Variants in ITPKC observed in about 807,000 individuals in gnomAD.
The protein encoded by ITPKC is IP3 3-kinase C.
Under a neutral mutation model 67.1 loss-of-function variants are expected in ITPKC, and 33 were observed. The observed-to-expected ratio is 0.49, with a 90% confidence interval of 0.37 to 0.66. ITPKC has a LOEUF of 0.66. ITPKC is among the 30% of genes least tolerant of loss of function. The probability of loss-of-function intolerance (pLI) is 0.00; values close to 1 mark genes in which losing one functional copy is unlikely to be tolerated. For missense variants in ITPKC, 820 were observed against 892.1 expected, an observed-to-expected ratio of 0.92 and a Z score of 1.03; for synonymous variants, 341 against 359.8, an observed-to-expected ratio of 0.95 and a Z score of 0.59.
rs184533226 is a variant in ITPKC, at chr19:40,736,180, A to G, written c.1675-806A>G. ...GTGGCGGGAGCCTGTAGTCCCAGCT[A>G]TCAGGAGGCTGAGGCAGGAGAATGG... On this transcript the variant is annotated intron_variant, in intron 4 of 6. Transcript: ENST00000263370. 3.3e-5 allele frequency among the ~76,000 whole-genome samples: 5 copies of G among 152,148 alleles called. No individual in the cohort carries two copies. In the East Asian group the frequency reaches 5.8e-4, roughly 18 times the overall value.
chr19:40,727,251 G>A (rs892355034), intron 2 of ITPKC, among the ~76,000 whole-genome samples: 3 of 151,740 alleles, frequency 2.0e-5, no homozygotes, highest in African/African-American at 4.8e-5. Flanking sequence ...GGAGAATGGC[G>A]TGAACCCGGG....
rs1345958676 is a variant in ITPKC at position 40,739,965 on chromosome 19, C to T, written c.*405C>T. 28 of 196,402 alleles carry T rather than the reference C, an allele frequency of 1.4e-4. No homozygotes were observed. The Admixed American group carries it at 1.5e-3, about 11-fold the overall frequency. The allele number at this position is 196,402 out of a possible 1,614,324, so 12.2% of individuals were successfully genotyped here. On this transcript the variant is annotated 3_prime_UTR_variant, in exon 7 of 7. Transcript: ENST00000263370. ...TCCCTGTCAGCCTCCAGGCTGCCAGCTGGCTGAGGCCAGGGACTGGGTCAG... is the reference window on the plus strand; with the variant it reads ...TCCCTGTCAGCCTCCAGGCTGCCAGTTGGCTGAGGCCAGGGACTGGGTCAG...
Position 40,717,404 on chromosome 19 carries a change from G to C in ITPKC, c.269G>C (p.Trp90Ser), listed in dbSNP as rs764610065. ...PGTESPQAEF[W>S]TDGQTEPAAA... ...ACAGAGAGTCCGCAGGCAGAATTCTGGACAGACGGACAGACTGAGCCCGCG... is the reference window on the plus strand; with the variant it reads ...ACAGAGAGTCCGCAGGCAGAATTCTCGACAGACGGACAGACTGAGCCCGCG... Residue 90 changes from tryptophan to serine, a missense_variant, in exon 1 of 7, where the codon TGG becomes TCG. This residue lies in a region of ITPKC where 481 missense variants were observed against 470.1 expected (regional missense o/e 1.02). Coordinates refer to ENST00000263370, the MANE Select transcript of ITPKC (RefSeq NM_025194.3). 2 of 1,613,638 alleles carry C rather than the reference G, an allele frequency of 1.2e-6. No homozygotes were observed. The highest frequency in any genetic ancestry group is 3.3e-5 in the Admixed American group (2 of 60,016).
Position 40,718,027 on chromosome 19 carries a change from C to T in ITPKC, c.892C>T (p.Pro298Ser), listed in dbSNP as rs780443913. Residue 298 changes from proline (P) to serine (S), a missense_variant, in exon 1 of 7, where the codon CCT becomes TCT. By Grantham distance (74) the Pro-to-Ser change is moderately conservative (BLOSUM62 -1). Transcript: ENST00000263370. ...APGTDCLLGE[P>S]EDGPLEEPEP... is the part of the protein sequence containing the mutation. Reference sequence around the variant, plus strand: ...TGGGACAGACTGCCTCTTGGGAGAGCCTGAGGATGGCCCATTAGAGGAACC... The same window carrying T: ...TGGGACAGACTGCCTCTTGGGAGAGTCTGAGGATGGCCCATTAGAGGAACC... 2 of 1,614,026 alleles carry T rather than the reference C, an allele frequency of 1.2e-6. No individual in the cohort carries two copies. Among genetic ancestry groups the T allele is most frequent in the Admixed American group, 1.7e-5 (1 of 60,002 alleles).
At chr19:40,737,148 C>A in intron 5 of ITPKC, 61 bp downstream of exon 5, 1 of 1,131,160 alleles carries the variant, frequency 8.8e-7, no homozygotes, top group Admixed American at 2.0e-5. Context: ...TTTATTCTTG[C>A]TCCAGAGTCA....
chr19:40,725,420 C>A lies in ITPKC; in HGVS notation c.1236C>A (p.Val412=), dbSNP rs1396539314. The A allele has an allele frequency of 6.2e-7, 1 of 1,611,310 alleles. No individual in the cohort carries two copies. The highest frequency in any genetic ancestry group is 1.3e-5 in the African/African-American group (1 of 74,994). Residue 412 remains valine (V), a synonymous_variant, in exon 2 of 7, where the codon GTC becomes GTA. Transcript: ENST00000263370. ...VVSFRKHYPW[V]QLSGHAGNFQ... ...CCTTCCGAAAACACTACCCTTGGGT[C>A]CAGCTTTCTGGACATGCTGGTAAGT...
Position 40,717,921 on chromosome 19 carries a change from T to C in ITPKC, c.786T>C (p.Pro262=), listed in dbSNP as rs75531227. Residue 262 remains proline, a synonymous_variant, in exon 1 of 7, where the codon CCT becomes CCC. Coordinates refer to ENST00000263370, the MANE Select transcript of ITPKC (RefSeq NM_025194.3). ...ATACTGAAGCAGCCAGGAAACAGCCTGGCACTGGTGGTTTCCAAATACAAC... is the reference window on the plus strand; with the variant it reads ...ATACTGAAGCAGCCAGGAAACAGCCCGGCACTGGTGGTTTCCAAATACAAC... ...KQDTEAARKQ[P]GTGGFQIQQD... 365 of 1,614,112 alleles carry C rather than the reference T, an allele frequency of 2.3e-4. No individual in the cohort carries two copies. In the African/African-American group the frequency reaches 4.4e-3, roughly 19 times the overall value.
At chr19:40,726,222 CAA>C (rs1229281539) in intron 2 of ITPKC, among the ~76,000 whole-genome samples, 9 of 146,034 alleles carry the variant, frequency 6.2e-5, no homozygotes, top group African/African-American at 2.3e-4. Context: ...GCCTGAGTGA[CAA>C]GAGCGAAACT....
intron 4 of ITPKC, among the ~76,000 whole-genome samples, chr19:40,734,641 C>T (rs2082286484): frequency 6.6e-6 from 1 of 151,990 alleles, no homozygotes; most frequent in African/African-American, 2.4e-5. Flanking sequence ...AAGAGTCTCG[C>T]TCTGTCACCC....
At chr19:40,733,508 C>G (rs1295806659) in intron 4 of ITPKC, 144 bp downstream of exon 4, 1 of 704,522 alleles carries the variant, frequency 1.4e-6, no homozygotes, top group Non-Finnish European at 2.3e-6. Context: ...CTCTTTCTTA[C>G]CTCCATACCC....
intron 4 of ITPKC, 94 bp from the exon 5 acceptor site, chr19:40,736,892 G>A (rs899814408): frequency 4.6e-5 from 34 of 738,696 alleles, no homozygotes; most frequent in Middle Eastern, 3.5e-4. Flanking sequence ...CTTGGCCACC[G>A]CGCCCGGCCT....
chr19:40,730,585 C>G (rs943960295), intron 3 of ITPKC, among the ~76,000 whole-genome samples: 1 of 152,018 alleles, frequency 6.6e-6, no homozygotes, highest in Non-Finnish European at 1.5e-5. Flanking sequence ...GTATGTCCCA[C>G]CAGGCTTGGC....
In ITPKC at chr19:40,733,065, G is replaced by A. The variant is rs1174368938; in HGVS notation, c.1470-95G>A. The A allele has an allele frequency of 7.8e-6, 8 of 1,020,934 alleles. No homozygotes were observed. The African/African-American group carries it at 7.9e-5, about 10-fold the overall frequency. 63.2% of individuals were successfully genotyped at this position (1,020,934 alleles called of 1,614,324 possible). Reference sequence around the variant, plus strand: ...TCTGTGCATTGATTTGCCCATTCTTGTGCCACACTGTGGCTTTATGTCTTA... The same window carrying A: ...TCTGTGCATTGATTTGCCCATTCTTATGCCACACTGTGGCTTTATGTCTTA... On this transcript the variant is annotated intron_variant, in intron 3 of 6. Transcript: ENST00000263370.
chr19:40,728,950 C>T (rs1460847282), intron 2 of ITPKC, among the ~76,000 whole-genome samples: 4 of 152,076 alleles, frequency 2.6e-5, no homozygotes, highest in African/African-American at 9.7e-5. Flanking sequence ...ATTGCTTGAA[C>T]CCGGGAGGCG....
chr19:40,739,647 C>A lies in ITPKC; in HGVS notation c.*87C>A. 1 of 1,228,516 alleles carries A rather than the reference C, an allele frequency of 8.1e-7. No individual in the cohort carries two copies. Among genetic ancestry groups the A allele is most frequent in the African/African-American group, 1.5e-5 (1 of 66,824 alleles). The allele number at this position is 1,228,516 out of a possible 1,614,324, so 76.1% of individuals were successfully genotyped here. A position where few individuals can be genotyped will look rare whatever the true frequency, so the allele number is the denominator to read the frequency against. On this transcript the variant is annotated 3_prime_UTR_variant, in exon 7 of 7. Transcript: ENST00000263370. The stretch of plus-strand genomic sequence containing the variant: ...GCCATGGGAGGCCTGAGGTTGGCCA[C>A]GGGGGAGCTGGCCTCCAGGGACGGG...
At chr19:40,719,969 A>AT (rs2082213876) in intron 1 of ITPKC, among the ~76,000 whole-genome samples, 1 of 149,670 alleles carries the variant, frequency 6.7e-6, no homozygotes, top group Admixed American at 6.6e-5. Context: ...TTTTTTGTCA[A>AT]TTTTTTTCTG....
chr19:40,730,909 T>C (rs1250867627), intron 3 of ITPKC, among the ~76,000 whole-genome samples: 1 of 152,136 alleles, frequency 6.6e-6, no homozygotes, highest in Non-Finnish European at 1.5e-5. Flanking sequence ...AATTCAAGTC[T>C]AAAACCATCT....
chr19:40,737,992 G>GAAA (rs35811447), intron 6 of ITPKC, among the ~76,000 whole-genome samples: 1 of 114,450 alleles, frequency 8.7e-6, no homozygotes. Flanking sequence ...TCTCTATTTG[G>GAAA]AAAAAAAAAA....
Position 40,718,078 on chromosome 19 carries a change from C to G in ITPKC, c.943C>G (p.Leu315Val). ...AGAGCCTGGAGAATTGCTGACTCAC[C>G]TGTACTCTCACCTGAAGTGTAGCCC... is the stretch of plus-strand genomic sequence containing the variant. ...EPEPGELLTH[L>V]YSHLKCSPLC... The change falls in exon 1 of 7, where the codon CTG (leucine) becomes GTG (valine). Residue 315 changes from leucine (L) to valine (V), a missense_variant. Around this residue, in one of 2 missense-constraint regions of ITPKC, gnomAD observed 481 missense variants for 470.1 expected, o/e 1.02. Transcript: ENST00000263370. The G allele has an allele frequency of 1.2e-6, 2 of 1,614,016 alleles. No individual in the cohort carries two copies. The highest frequency in any genetic ancestry group is 2.2e-5 in the South Asian group (2 of 91,070).
Sources: gnomAD v4.1 joint callset for allele counts (sites outside exome capture counted in the v4.1 genomes callset) on GRCh38, gnomAD v4.1.1 for gene constraint, gnomAD v4.1.1 regional missense constraint, MANE v1.5 for transcripts, NCBI Gene and HGNC (gene_info 2026-07-23, HGNC 2026-07-21) for gene names.